CSMD1: variants seen among roughly 807,000 people sequenced by gnomAD.
CSMD1 encodes the protein CUB and sushi domain-containing protein 1.
A neutral mutation model predicts 417.5 loss-of-function variants in CSMD1; 213 were observed. The ratio of observed to expected loss-of-function variants is 0.51; its 90% CI spans 0.46 to 0.57. CSMD1 has a LOEUF of 0.57. Among genes scored for constraint, CSMD1 ranks in the 20% least tolerant of loss-of-function variants. The probability of loss-of-function intolerance (pLI) is 0.00; values close to 1 mark genes in which losing one functional copy is unlikely to be tolerated. For missense variants in CSMD1, 6,923 were observed against 4,529.7 expected (o/e 1.53, Z -15.17); for synonymous variants, 2,862 against 1,736.8 (o/e 1.65, Z -16.11).
intron 3 of CSMD1, among the ~76,000 whole-genome samples, chr8:4,103,854 T>C (rs115244126): frequency 0.017 from 2,569 of 152,308 alleles, 84 homozygotes; most frequent in African/African-American, 0.058. Context: ...CCTGGCAGCA[T>C]TGTCTGGTGC....
At chr8:3,053,219 C>A (rs770382033) in intron 49 of CSMD1, among the ~76,000 whole-genome samples, 1 of 152,154 alleles carries the variant, frequency 6.6e-6, no homozygotes, top group Non-Finnish European at 1.5e-5. Flanking sequence ...ATAAGACTGA[C>A]CACTCTCATG....
intron 26 of CSMD1, among the ~76,000 whole-genome samples, chr8:3,266,851 A>G (rs193111597): frequency 6.6e-6 from 1 of 152,076 alleles, no homozygotes; most frequent in East Asian, 1.9e-4. Flanking sequence ...TGACAGTGAC[A>G]AGAGCAGTAA....
At chr8:4,844,914 T>C (rs1356101701) in intron 1 of CSMD1, among the ~76,000 whole-genome samples, 1 of 152,178 alleles carries the variant, frequency 6.6e-6, no homozygotes, top group East Asian at 1.9e-4. Flanking sequence ...ATGGTTTTAC[T>C]TAACTTCGTG....
chr8:4,606,849 T>C (rs1453922457), intron 2 of CSMD1, among the ~76,000 whole-genome samples: 1 of 152,238 alleles, frequency 6.6e-6, no homozygotes, highest in Non-Finnish European at 1.5e-5. Flanking sequence ...TATGACATTT[T>C]AATTAAAGTG....
intron 7 of CSMD1, among the ~76,000 whole-genome samples, chr8:3,656,736 G>C (rs1004260813): frequency 6.6e-6 from 1 of 152,084 alleles, no homozygotes; most frequent in Non-Finnish European, 1.5e-5. Flanking sequence ...GACCAGCCTG[G>C]CTAACATGGC....
intron 23 of CSMD1, among the ~76,000 whole-genome samples, chr8:3,313,561 G>T (rs944837279): frequency 3.3e-5 from 5 of 152,176 alleles, no homozygotes; most frequent in Admixed American, 1.3e-4. Flanking sequence ...ACCACAATAA[G>T]ATACTATCTC....
At chr8:4,111,391 A>T (rs575776397) in intron 3 of CSMD1, among the ~76,000 whole-genome samples, 192 of 152,282 alleles carry the variant, frequency 1.3e-3, no homozygotes, top group Non-Finnish European at 2.3e-3. Context: ...AACAGTATTA[A>T]AAAAGTATGT....
chr8:3,884,650 A>C (rs1442399464), intron 5 of CSMD1, among the ~76,000 whole-genome samples: 2 of 152,162 alleles, frequency 1.3e-5, no homozygotes, highest in Non-Finnish European at 2.9e-5. Flanking sequence ...AATGTTGACC[A>C]ATAAATTCTG....
chr8:2,989,822 T>G (rs1417653889), intron 54 of CSMD1, among the ~76,000 whole-genome samples: 1 of 152,244 alleles, frequency 6.6e-6, no homozygotes, highest in Admixed American at 6.5e-5. Context: ...GAACAAGTTT[T>G]GTGTCCAATG....
At chr8:4,562,321 G>C (rs17070623) in intron 2 of CSMD1, among the ~76,000 whole-genome samples, 48,796 of 151,986 alleles carry the variant, frequency 0.32, 8,773 homozygotes, top group African/African-American at 0.49. Flanking sequence ...AGGTCAGTGG[G>C]AGGCCCCCAA....
intron 3 of CSMD1, among the ~76,000 whole-genome samples, chr8:4,137,783 G>C (rs1706637176): frequency 1.3e-5 from 1 of 77,426 alleles, no homozygotes; most frequent in South Asian, 4.5e-4. Context: ...GAAAATCTAA[G>C]CCTTATAATC....
intron 2 of CSMD1, among the ~76,000 whole-genome samples, chr8:4,631,419 G>A (rs1423888960): frequency 6.8e-6 from 1 of 147,176 alleles, no homozygotes; most frequent in Non-Finnish European, 1.5e-5. Flanking sequence ...TTTTTAATCA[G>A]TCCATTGATC....
At chr8:4,223,174 G>A (rs1714731) in intron 3 of CSMD1, among the ~76,000 whole-genome samples, 151,907 of 152,086 alleles carry the variant, frequency 1, 75,864 homozygotes, top group Non-Finnish European at 1. Flanking sequence ...GGAGCCTCCG[G>A]GAGTTAATAA....
At chr8:4,113,763 G>A (rs917633148) in intron 3 of CSMD1, among the ~76,000 whole-genome samples, 3 of 152,120 alleles carry the variant, frequency 2.0e-5, no homozygotes, top group African/African-American at 7.2e-5. Context: ...TTGGTGAGAT[G>A]GAGAAAGTTT....
intron 2 of CSMD1, among the ~76,000 whole-genome samples, chr8:4,474,355 G>C (rs570794073): frequency 1.3e-5 from 2 of 152,280 alleles, no homozygotes; most frequent in South Asian, 2.1e-4. Context: ...TTTTATGCTG[G>C]TGTTGTCTAA....
chr8:3,530,281 G>A (rs1563126323), intron 10 of CSMD1, among the ~76,000 whole-genome samples: 1 of 152,142 alleles, frequency 6.6e-6, no homozygotes, highest in African/African-American at 2.4e-5. Context: ...ATATTTTAAT[G>A]TGATGGTTTA....
At chr8:3,229,835 C>A (rs573827132) in intron 27 of CSMD1, among the ~76,000 whole-genome samples, 2 of 151,972 alleles carry the variant, frequency 1.3e-5, no homozygotes, top group African/African-American at 2.4e-5. Context: ...ATTACTGTAC[C>A]TTAAGGGGAT....
chr8:4,276,846 C>T (rs780900743), intron 3 of CSMD1, among the ~76,000 whole-genome samples: 3 of 152,052 alleles, frequency 2.0e-5, no homozygotes, highest in Non-Finnish European at 2.9e-5. Flanking sequence ...AATAAATGTT[C>T]AATTTCCTTA....
At chr8:4,447,167 G>T (rs1384555456) in intron 2 of CSMD1, among the ~76,000 whole-genome samples, 1 of 152,102 alleles carries the variant, frequency 6.6e-6, no homozygotes, top group South Asian at 2.1e-4. Flanking sequence ...ATAAATTATT[G>T]ATCCCATGTT....
Sources: allele counts gnomAD v4.1 joint callset (sites outside exome capture counted in the v4.1 genomes callset), GRCh38; gene constraint gnomAD v4.1.1; transcripts MANE v1.5; gene names NCBI Gene and HGNC (gene_info 2026-07-23, HGNC 2026-07-21).